The following STK3 variants were observed in gnomAD, a reference collection of about 807,000 sequenced individuals.
STK3 encodes serine/threonine kinase 3, also known as serine/threonine-protein kinase 3.
A neutral mutation model predicts 58.0 loss-of-function variants in STK3; 41 were observed. The observed-to-expected ratio is 0.71, with a 90% confidence interval of 0.55 to 0.92. The LOEUF (loss-of-function observed/expected upper bound fraction) is 0.92. STK3 is among the 40% of genes least tolerant of loss of function. STK3 has a pLI of 0.00. For synonymous variants in STK3, 170 were observed against 191.0 expected (o/e 0.89, Z 0.91); for missense variants, 479 against 602.7 (o/e 0.79, Z 2.15).
the STK3 span, among the ~76,000 whole-genome samples, chr8:98,351,671 T>C: frequency 6.6e-6 from 1 of 152,138 alleles, no homozygotes; most frequent in Non-Finnish European, 1.5e-5. Context: ...CCCACCTCCA[T>C]TCACTGAAAA....
At chr8:98,423,765 G>A (rs771346622) in intron 3 of STK3, among the ~76,000 whole-genome samples, 42 of 152,224 alleles carry the variant, frequency 2.8e-4, no homozygotes, top group Admixed American at 3.9e-4. Context: ...TGCCAGTGCA[G>A]CCCCCTCGCC....
At chr8:98,840,598 T>C (rs1325572782) in intron 3 of STK3, among the ~76,000 whole-genome samples, 1 of 59,198 alleles carries the variant, frequency 1.7e-5, no homozygotes, top group African/African-American at 4.6e-5. Context: ...TATATATATA[T>C]ATATATATAT....
At chr8:98,344,914 A>G in the STK3 span, among the ~76,000 whole-genome samples, 4,469 of 149,516 alleles carry the variant, frequency 0.03, 296 homozygotes, top group African/African-American at 0.11. Context: ...AAAAAAAAAA[A>G]AAAAGAAAAT....
chr8:98,912,239 T>A (rs1028854675), intron 1 of STK3, among the ~76,000 whole-genome samples: 1 of 152,038 alleles, frequency 6.6e-6, no homozygotes, highest in Non-Finnish European at 1.5e-5. Context: ...ATTAGCCCGA[T>A]GTGGTGGCGC....
chr8:98,659,481 C>A (rs1252409033), intron 6 of STK3, among the ~76,000 whole-genome samples: 1 of 151,578 alleles, frequency 6.6e-6, no homozygotes, highest in Non-Finnish European at 1.5e-5. Context: ...CAGATGTCAG[C>A]AATACAATTT....
At chr8:98,480,341 T>G (rs1274161451) in intron 10 of STK3, among the ~76,000 whole-genome samples, 7 of 152,178 alleles carry the variant, frequency 4.6e-5, no homozygotes, top group African/African-American at 1.7e-4. Context: ...ATCATCGGAC[T>G]TCTCTTTAGA....
At chr8:98,711,991 A>C (rs1418014903) in intron 4 of STK3, among the ~76,000 whole-genome samples, 1 of 152,242 alleles carries the variant, frequency 6.6e-6, no homozygotes, top group Non-Finnish European at 1.5e-5. Context: ...AGATTCTTAA[A>C]GAAAAGAATT....
At chr8:98,770,366 A>AT (rs1831228322) in intron 2 of STK3, among the ~76,000 whole-genome samples, 1 of 152,190 alleles carries the variant, frequency 6.6e-6, no homozygotes, top group African/African-American at 2.4e-5. Context: ...GATTTTGCCA[A>AT]TTTTTATCAG....
chr8:98,444,815 C>A (rs2131104151), intron 1 of STK3, among the ~76,000 whole-genome samples: 1 of 152,304 alleles, frequency 6.6e-6, no homozygotes, highest in South Asian at 2.1e-4. Context: ...AGTTACTAAA[C>A]TGAGTTTGAG....
At chr8:98,667,959 TAA>T (rs1822495713) in intron 6 of STK3, among the ~76,000 whole-genome samples, 1 of 152,132 alleles carries the variant, frequency 6.6e-6, no homozygotes, top group African/African-American at 2.4e-5. Context: ...ACTCACCATA[TAA>T]AAGTTAATCA....
chr8:98,465,517 A>C (rs1386058279), intron 10 of STK3, among the ~76,000 whole-genome samples: 1 of 152,234 alleles, frequency 6.6e-6, no homozygotes, highest in Non-Finnish European at 1.5e-5. Flanking sequence ...GGCCATATGA[A>C]ATAAGTGCAT....
At chr8:98,661,780 T>C (rs1042140214) in intron 6 of STK3, among the ~76,000 whole-genome samples, 2 of 152,014 alleles carry the variant, frequency 1.3e-5, no homozygotes, top group African/African-American at 4.8e-5. Context: ...ATACCACACA[T>C]CTACTTTTAT....
chr8:98,655,822 A>T (rs552944091), intron 6 of STK3, among the ~76,000 whole-genome samples: 69 of 152,334 alleles, frequency 4.5e-4, no homozygotes, highest in Non-Finnish European at 5.4e-4. Flanking sequence ...CGATCATTAA[A>T]AAGTCAGGAA....
chr8:98,516,916 A>T (rs1467645338), intron 10 of STK3, among the ~76,000 whole-genome samples: 1 of 152,040 alleles, frequency 6.6e-6, no homozygotes. Flanking sequence ...ATTAAGATAG[A>T]GAGTTAAAAA....
intron 1 of STK3, among the ~76,000 whole-genome samples, chr8:98,809,364 A>C (rs1834081683): frequency 1.3e-5 from 2 of 152,216 alleles, no homozygotes; most frequent in South Asian, 4.1e-4. Flanking sequence ...ATAGTATCAA[A>C]ATTGAATTAA....
At chr8:98,712,602 C>T (rs1401894497) in intron 4 of STK3, among the ~76,000 whole-genome samples, 1 of 151,892 alleles carries the variant, frequency 6.6e-6, no homozygotes, top group Admixed American at 6.6e-5. Context: ...AATATATATG[C>T]ACCCAATACA....
At chr8:98,789,894 G>A (rs529900327) in intron 1 of STK3, among the ~76,000 whole-genome samples, 17 of 152,186 alleles carry the variant, frequency 1.1e-4, no homozygotes, top group African/African-American at 3.9e-4. Context: ...TGGGCGTGGT[G>A]GTAAGCAGCT....
At chr8:98,682,953 C>T (rs538698234) in intron 6 of STK3, among the ~76,000 whole-genome samples, 1 of 152,142 alleles carries the variant, frequency 6.6e-6, no homozygotes, top group Admixed American at 6.5e-5. Context: ...GTTACTATTA[C>T]TGGCTTAGAA....
chr8:98,641,873 C>A (rs1261101294), intron 6 of STK3, among the ~76,000 whole-genome samples: 1 of 152,098 alleles, frequency 6.6e-6, no homozygotes, highest in East Asian at 1.9e-4. Context: ...AACAGATATG[C>A]CCAATACAGC....
Sources: gnomAD v4.1 joint callset for allele counts (sites outside exome capture counted in the v4.1 genomes callset) on GRCh38, gnomAD v4.1.1 for gene constraint, MANE v1.5 for transcripts, NCBI Gene and HGNC (gene_info 2026-07-23, HGNC 2026-07-21) for gene names.